The following ADARB2 variants were observed in gnomAD, a reference collection of about 807,000 sequenced individuals.
The protein encoded by ADARB2 is adenosine deaminase RNA specific B2 (inactive).
ADARB2 carries 25 observed loss-of-function variants against 62.2 expected under a neutral mutation model. The ratio of observed to expected loss-of-function variants is 0.40; its 90% CI spans 0.29 to 0.56. The LOEUF (loss-of-function observed/expected upper bound fraction) is 0.56, where lower values mean the gene tolerates loss of function less well. Among genes scored for constraint, ADARB2 ranks in the 20% least tolerant of loss-of-function variants. The pLI is 0.43. For missense variants in ADARB2, 1,071 were observed against 1,077.4 expected (o/e 0.99, Z 0.08); for synonymous variants, 572 against 500.8 (o/e 1.14, Z -1.90).
intron 1 of ADARB2, among the ~76,000 whole-genome samples, chr10:1,682,977 G>T (rs1246751890): frequency 6.6e-6 from 1 of 152,152 alleles, no homozygotes; most frequent in African/African-American, 2.4e-5. Flanking sequence ...ACAGCACCGC[G>T]GAGGTGGGCT....
intron 1 of ADARB2, among the ~76,000 whole-genome samples, chr10:1,688,509 G>T (rs867370556): frequency 6.6e-6 from 1 of 152,222 alleles, no homozygotes; most frequent in Non-Finnish European, 1.5e-5. Context: ...TTCTCACTGA[G>T]ATCTGCACCA....
At chr10:1,643,027 G>GGT (rs1275295558) in intron 1 of ADARB2, among the ~76,000 whole-genome samples, 1 of 152,164 alleles carries the variant, frequency 6.6e-6, no homozygotes, top group African/African-American at 2.4e-5. Context: ...TGTTTATTCA[G>GGT]GTAATGCAAC....
At chr10:1,483,989 C>A (rs1489708498) in intron 1 of ADARB2, among the ~76,000 whole-genome samples, 1 of 152,188 alleles carries the variant, frequency 6.6e-6, no homozygotes, top group Non-Finnish European at 1.5e-5. Context: ...CACATCAAAG[C>A]CACTATTGAA....
intron 1 of ADARB2, among the ~76,000 whole-genome samples, chr10:1,619,269 A>G (rs1833679843): frequency 6.7e-6 from 1 of 149,214 alleles, no homozygotes; most frequent in Non-Finnish European, 1.5e-5. Context: ...TTAGAATCAA[A>G]GACACAAATA....
chr10:1,435,262 C>G (rs1564288269), intron 1 of ADARB2, among the ~76,000 whole-genome samples: 1 of 152,160 alleles, frequency 6.6e-6, no homozygotes, highest in Non-Finnish European at 1.5e-5. Context: ...GAGACAAGAG[C>G]GGGGCTCAGG....
rs184746009 is a variant in ADARB2 at position 1,724,004 on chromosome 10, G to A, written c.100+13047C>T. Among the ~76,000 whole-genome samples, 578 of 152,272 alleles carry A rather than the reference G, an allele frequency of 3.8e-3. 3 individuals carry two copies. Among genetic ancestry groups the A allele is most frequent in the African/African-American group, 0.013 (552 of 41,554 alleles). On this transcript the variant is annotated intron_variant, in intron 1 of 9. Coordinates refer to ENST00000381312, the MANE Select transcript of ADARB2 (RefSeq NM_018702.4). ...TAGTTTTCAGAAAATGTTTCCGAAG[G>A]TGAATTTCTGTGGTTTTCTCTCTGT...
intron 3 of ADARB2, among the ~76,000 whole-genome samples, chr10:1,285,688 CT>C (rs1473541696): frequency 1.8e-4 from 27 of 152,200 alleles, no homozygotes; most frequent in Non-Finnish European, 2.9e-4. Flanking sequence ...TGCCTATTGG[CT>C]CCGATTACCA....
At chr10:1,220,787 C>T (rs1830688720) in intron 6 of ADARB2, among the ~76,000 whole-genome samples, 1 of 152,180 alleles carries the variant, frequency 6.6e-6, no homozygotes, top group Non-Finnish European at 1.5e-5. Flanking sequence ...TGCTACTGCA[C>T]AACTAACTTT....
intron 5 of ADARB2, among the ~76,000 whole-genome samples, chr10:1,234,861 G>C (rs1366950496): frequency 7.0e-6 from 1 of 142,274 alleles, no homozygotes; most frequent in African/African-American, 2.6e-5. Context: ...CGATTCTCCT[G>C]CCTCAGCCTC....
At chr10:1,481,436 G>C (rs1468472913) in intron 1 of ADARB2, among the ~76,000 whole-genome samples, 1 of 152,120 alleles carries the variant, frequency 6.6e-6, no homozygotes, top group East Asian at 1.9e-4. Context: ...GGTGATGAAA[G>C]AAGAAGTAGA....
At chr10:1,727,917 GT>G (rs1190699749) in intron 1 of ADARB2, among the ~76,000 whole-genome samples, 1 of 152,194 alleles carries the variant, frequency 6.6e-6, no homozygotes, top group Admixed American at 6.5e-5. Flanking sequence ...GCCCAATACA[GT>G]TTTTGTCTAA....
At chr10:1,632,965 G>A (rs981505224) in intron 1 of ADARB2, among the ~76,000 whole-genome samples, 1 of 152,180 alleles carries the variant, frequency 6.6e-6, no homozygotes, top group Non-Finnish European at 1.5e-5. Context: ...GTGGGTGGGT[G>A]CATCCAGTCC....
intron 3 of ADARB2, among the ~76,000 whole-genome samples, chr10:1,358,826 G>A (rs1832221821): frequency 1.3e-5 from 2 of 152,112 alleles, no homozygotes; most frequent in Non-Finnish European, 2.9e-5. Context: ...ACTTGAGGGT[G>A]AAAGATAAAC....
At chr10:1,313,453 C>G (rs1286740590) in intron 3 of ADARB2, among the ~76,000 whole-genome samples, 1 of 152,192 alleles carries the variant, frequency 6.6e-6, no homozygotes, top group East Asian at 1.9e-4. Flanking sequence ...CTGGGACTGC[C>G]CATTCCAAAA....
At chr10:1,496,454 A>G (rs1393828084) in intron 1 of ADARB2, among the ~76,000 whole-genome samples, 1 of 151,958 alleles carries the variant, frequency 6.6e-6, no homozygotes, top group Non-Finnish European at 1.5e-5. Context: ...CATTAGTATC[A>G]ACATTATCAC....
intron 1 of ADARB2, among the ~76,000 whole-genome samples, chr10:1,492,649 G>A (rs1431696529): frequency 1.3e-5 from 2 of 152,120 alleles, no homozygotes; most frequent in Non-Finnish European, 2.9e-5. Context: ...CTGTCTACAG[G>A]TGCAGCATTT....
intron 7 of ADARB2, among the ~76,000 whole-genome samples, chr10:1,211,728 G>A (rs1183916616): frequency 6.6e-6 from 1 of 152,194 alleles, no homozygotes; most frequent in African/African-American, 2.4e-5. Context: ...CACTGAGCAG[G>A]TTTGGGCAGC....
chr10:1,646,907 C>T (rs1262586076), intron 1 of ADARB2, among the ~76,000 whole-genome samples: 1 of 152,230 alleles, frequency 6.6e-6, no homozygotes, highest in Non-Finnish European at 1.5e-5. Flanking sequence ...GTGCCTGCGA[C>T]CAGCATGCAA....
intron 7 of ADARB2, among the ~76,000 whole-genome samples, chr10:1,206,217 A>G (rs759820537): frequency 3.3e-4 from 51 of 152,250 alleles, no homozygotes; most frequent in Non-Finnish European, 4.8e-4. Flanking sequence ...GAGAGTGAAG[A>G]GGATGATCCC....
Sources: allele counts gnomAD v4.1 joint callset (sites outside exome capture counted in the v4.1 genomes callset), GRCh38; gene constraint gnomAD v4.1.1; transcripts MANE v1.5; gene names NCBI Gene and HGNC (gene_info 2026-07-23, HGNC 2026-07-21).